Variants in SLC23A2 observed in about 807,000 individuals in gnomAD.
SLC23A2 encodes the protein Na(+)/L-ascorbic acid transporter 2.
Under a neutral mutation model 73.3 loss-of-function variants are expected in SLC23A2, and 36 were observed. The ratio of observed to expected loss-of-function variants is 0.49; its 90% CI spans 0.38 to 0.65. The LOEUF is 0.65. Ranked by LOEUF, SLC23A2 falls within the 30% of genes least tolerant of loss-of-function variation. The pLI is 0.00. For synonymous variants in SLC23A2, 343 were observed against 327.3 expected (o/e 1.05, Z -0.52); for missense variants, 507 against 841.6 (o/e 0.60, Z 4.92).
At chr20:4,924,486 AG>A (rs1286132673) in intron 3 of SLC23A2, among the ~76,000 whole-genome samples, 1 of 152,204 alleles carries the variant, frequency 6.6e-6, no homozygotes, top group Non-Finnish European at 1.5e-5. Context: ...CACCTGTCCT[AG>A]GGCCACCAGC....
chr20:4,954,565 G>A lies in SLC23A2; in HGVS notation c.-155+16228C>T, dbSNP rs749797401. Reference sequence around the variant, plus strand: ...TACAAACAATTAGCCACGCGTGGTGGCGGGCGCCTGTAGTCCCAGCTACTC... The same window carrying A: ...TACAAACAATTAGCCACGCGTGGTGACGGGCGCCTGTAGTCCCAGCTACTC... On this transcript the variant is annotated intron_variant, in intron 2 of 16. Coordinates refer to ENST00000338244, the MANE Select transcript of SLC23A2 (RefSeq NM_005116.6). Among the ~76,000 whole-genome samples, 112 of 151,972 alleles carry A rather than the reference G, an allele frequency of 7.4e-4. 4 individuals are homozygous for A. Among genetic ancestry groups the A allele is most frequent in the Non-Finnish European group, 1.3e-4 (9 of 67,974 alleles).
intron 1 of SLC23A2, among the ~76,000 whole-genome samples, chr20:4,996,678 T>C (rs2088025058): frequency 9.9e-6 from 1 of 100,516 alleles, no homozygotes; most frequent in African/African-American, 4.3e-5. Flanking sequence ...AGAGCAAGAT[T>C]CCATCTCAAA....
intron 2 of SLC23A2, among the ~76,000 whole-genome samples, chr20:4,960,519 A>G (rs1451372916): frequency 1.3e-5 from 2 of 152,378 alleles, no homozygotes; most frequent in Non-Finnish European, 2.9e-5. Flanking sequence ...AAAATACTGT[A>G]GTTAAAATAA....
intron 1 of SLC23A2, among the ~76,000 whole-genome samples, chr20:4,976,734 G>A (rs927835646): frequency 6.6e-6 from 1 of 152,120 alleles, no homozygotes; most frequent in East Asian, 1.9e-4. Context: ...CAGCACTTTG[G>A]GAGGCTGAGG....
intron 6 of SLC23A2, among the ~76,000 whole-genome samples, chr20:4,897,812 C>T (rs893045259): frequency 2.6e-5 from 4 of 152,196 alleles, no homozygotes; most frequent in East Asian, 3.9e-4. Flanking sequence ...GAGCTGCACA[C>T]GGTACACACT....
chr20:4,921,811 CAT>C (rs1932507466), intron 3 of SLC23A2, among the ~76,000 whole-genome samples: 2 of 152,096 alleles, frequency 1.3e-5, no homozygotes, highest in African/African-American at 4.8e-5. Flanking sequence ...AGAAAATACA[CAT>C]ATGAGAACTA....
At chr20:4,859,229 A>C (rs999673890) in intron 16 of SLC23A2, 60 bp downstream of exon 16, 1 of 1,036,246 alleles carries the variant, frequency 9.7e-7, no homozygotes, top group African/African-American at 1.6e-5. Flanking sequence ...TTGGCAAAAA[A>C]AGTAACACAT....
chr20:5,001,025 A>G lies in SLC23A2; in HGVS notation c.-282+381T>C, dbSNP rs962656247. 8.3e-4 allele frequency among the ~76,000 whole-genome samples: 127 copies of G among 152,136 alleles called. 1 individual carries two copies. The highest frequency in any genetic ancestry group is 2.8e-3 in the African/African-American group (117 of 41,522). ...GCGACCCCAGGACGCGCGGGCGCAG[A>G]GCCCGGGAGGAGGCGGCGGCAGCCA... On this transcript the variant is annotated intron_variant, in intron 1 of 16. Transcript: ENST00000338244.
upstream of SLC23A2, among the ~76,000 whole-genome samples, chr20:5,001,946 C>T (rs1381452742): frequency 6.6e-6 from 1 of 152,114 alleles, no homozygotes; most frequent in African/African-American, 2.4e-5. Flanking sequence ...CGCTTCTCCA[C>T]TTAGGTAGCC....
chr20:4,958,576 G>A (rs569280421), intron 2 of SLC23A2, among the ~76,000 whole-genome samples: 26 of 150,846 alleles, frequency 1.7e-4, no homozygotes, highest in African/African-American at 4.9e-4. Flanking sequence ...TTTTGAGACC[G>A]GGTTATGAGA....
chr20:4,908,378 G>A (rs181798446), intron 4 of SLC23A2, among the ~76,000 whole-genome samples: 19 of 152,142 alleles, frequency 1.2e-4, no homozygotes, highest in East Asian at 9.7e-4. Flanking sequence ...CATTAACAAC[G>A]AAAAATTGTT....
chr20:4,858,528 GTTT>G (rs11482735), intron 16 of SLC23A2, among the ~76,000 whole-genome samples: 2 of 151,870 alleles, frequency 1.3e-5, no homozygotes, highest in African/African-American at 4.8e-5. Context: ...CTTGATTGAG[GTTT>G]TTTATTTTTT....
intron 1 of SLC23A2, among the ~76,000 whole-genome samples, chr20:4,995,712 G>A (rs1368031416): frequency 6.6e-6 from 1 of 152,056 alleles, no homozygotes; most frequent in Non-Finnish European, 1.5e-5. Flanking sequence ...ACCGGCCTAG[G>A]GTCAAATCCT....
intron 2 of SLC23A2, among the ~76,000 whole-genome samples, chr20:4,934,750 C>T (rs1025914009): frequency 2.6e-5 from 4 of 151,958 alleles, no homozygotes; most frequent in African/African-American, 9.7e-5. Context: ...GTAATCCCAG[C>T]TACTCGGGAA....
chr20:4,857,729 G>C lies in SLC23A2; in HGVS notation c.1721-525C>G, dbSNP rs908720132. On this transcript the variant is annotated intron_variant, in intron 16 of 16. Transcript: ENST00000338244. The surrounding 1 kb of genome is among the most constrained non-coding windows in gnomAD (Gnocchi z 4.0). ...GAGGATCACATGAAGTCAGGAGTTC[G>C]AGACCAGCCTAGCCAACATGGTGAA... 6.6e-6 allele frequency among the ~76,000 whole-genome samples: 1 copy of C among 152,016 alleles called. No homozygotes were observed. Among genetic ancestry groups the C allele is most frequent in the Non-Finnish European group, 1.5e-5 (1 of 68,002 alleles).
In SLC23A2 at chr20:4,874,989, C is replaced by G. The variant is rs193036495; in HGVS notation, c.825-293G>C. 1.9e-3 allele frequency among the ~76,000 whole-genome samples: 293 copies of G among 152,128 alleles called. 1 individual carries two copies. Among genetic ancestry groups the G allele is most frequent in the African/African-American group, 6.5e-3 (271 of 41,476 alleles). ...CTTTTCCTAAATAGAATAAGAAAACCCAAAGAATGTACACATTGATGGGAA... is the reference window on the plus strand; with the variant it reads ...CTTTTCCTAAATAGAATAAGAAAACGCAAAGAATGTACACATTGATGGGAA... On this transcript the variant is annotated intron_variant, in intron 9 of 16. Transcript: ENST00000338244.
In SLC23A2 at chr20:4,857,282, AT is replaced by A; in HGVS notation, c.1721-79del. ...TGAAAATGAAACTGTCGTCAAACAC[AT>A]ACACACACACACACACACACACACA... On this transcript the variant is annotated intron_variant, in intron 16 of 16. Coordinates refer to ENST00000338244, the MANE Select transcript of SLC23A2 (RefSeq NM_005116.6). This position sits in a 1 kb window ranked among gnomAD's most constrained non-coding sequence, Gnocchi z 4.0. The A allele has an allele frequency of 1.9e-6, 1 of 535,460 alleles. No homozygotes were observed. The highest frequency in any genetic ancestry group is 3.2e-6 in the Non-Finnish European group (1 of 309,012). The allele number at this position is 535,460 out of a possible 1,614,324, so 33.2% of individuals were successfully genotyped here.
chr20:4,961,283 T>C (rs12105990), intron 2 of SLC23A2, among the ~76,000 whole-genome samples: 33 of 151,808 alleles, frequency 2.2e-4, no homozygotes, highest in East Asian at 1.3e-3. Context: ...GGGTTTCACC[T>C]TGTTAGCCAG....
At chr20:4,906,957 C>T (rs564780039) in intron 4 of SLC23A2, among the ~76,000 whole-genome samples, 204 of 152,130 alleles carry the variant, frequency 1.3e-3, no homozygotes, top group African/African-American at 4.6e-3. Flanking sequence ...CCAGCAGGAC[C>T]CCAGAAAGTG....
Sources: gnomAD v4.1 joint callset for allele counts (sites outside exome capture counted in the v4.1 genomes callset) on GRCh38, gnomAD v4.1.1 for gene constraint, Gnocchi (gnomAD v3.1) non-coding constraint, MANE v1.5 for transcripts, NCBI Gene and HGNC (gene_info 2026-07-23, HGNC 2026-07-21) for gene names.